NHSL1: variants seen among roughly 807,000 people sequenced by gnomAD.
NHSL1 encodes NHS-like protein 1.
A neutral mutation model predicts 95.0 loss-of-function variants in NHSL1; 48 were observed. The observed-to-expected ratio is 0.51, with a 90% CI of 0.40 to 0.64. NHSL1 has a LOEUF of 0.64. Ranked by LOEUF, NHSL1 falls within the 30% of genes least tolerant of loss-of-function variation. The probability of loss-of-function intolerance (pLI) is 0.00; values close to 1 mark genes in which losing one functional copy is unlikely to be tolerated. For synonymous variants in NHSL1, 783 were observed against 833.9 expected, an observed-to-expected ratio of 0.94 and a Z score of 1.05; for missense variants, 1,971 against 2,077.7, an observed-to-expected ratio of 0.95 and a Z score of 1.00.
intron 3 of NHSL1, among the ~76,000 whole-genome samples, chr6:138,456,649 G>A (rs6902919): frequency 0.31 from 46,617 of 151,970 alleles, 9,185 homozygotes; most frequent in African/African-American, 0.54. Context: ...TTCAGTGAAC[G>A]TATCATCAAA....
chr6:138,525,986 T>C (rs960253894), intron 1 of NHSL1, among the ~76,000 whole-genome samples: 11 of 150,336 alleles, frequency 7.3e-5, no homozygotes, highest in African/African-American at 2.5e-4. Context: ...TCAGCTACTC[T>C]GGAGGCAGAG....
At chr6:138,444,986 T>C (rs956255943) in intron 4 of NHSL1, among the ~76,000 whole-genome samples, 3 of 152,202 alleles carry the variant, frequency 2.0e-5, no homozygotes, top group Admixed American at 1.3e-4. Context: ...TCTTTCTTTA[T>C]TGTCATTCAC....
At chr6:138,671,785 G>C (rs919790974) in intron 1 of NHSL1, among the ~76,000 whole-genome samples, 1 of 152,198 alleles carries the variant, frequency 6.6e-6, no homozygotes, top group Non-Finnish European at 1.5e-5. Flanking sequence ...TTTATGTCAG[G>C]AGAGACAAAA....
rs1249218699 is a variant in NHSL1, at chr6:138,431,103, A to C, written c.3242T>G (p.Val1081Gly). The change falls in exon 6 of 8, where the codon GTG (valine) becomes GGG (glycine). Residue 1081 changes from valine (V) to glycine (G), a missense_variant. Physicochemically the swap from Val to Gly is moderately radical, Grantham distance 109. Transcript: ENST00000343505. This position sits in a 1 kb window ranked among gnomAD's most constrained non-coding sequence, Gnocchi z 4.0. ...CGCCTCAGCGCCTGAGTTCTTTCTC[A>C]CGGGCCTCAACTGCACCATCTGCAA... Reference protein sequence around the residue: ...EALQMVQLRPVRKNSGAEAAQ... With the variant: ...EALQMVQLRPGRKNSGAEAAQ... 6.4e-7 allele frequency: 1 copy of C among 1,551,776 alleles called. No homozygotes were observed. The highest frequency in any genetic ancestry group is 8.7e-7 in the Non-Finnish European group (1 of 1,147,024).
intron 1 of NHSL1, among the ~76,000 whole-genome samples, chr6:138,661,270 T>C (rs1402947566): frequency 6.6e-6 from 1 of 152,084 alleles, no homozygotes; most frequent in Non-Finnish European, 1.5e-5. Context: ...GACCAACATC[T>C]CCTATTTCTC....
chr6:138,465,054 CAAAAAA>C (rs35195031), intron 3 of NHSL1, among the ~76,000 whole-genome samples: 1 of 100,988 alleles, frequency 9.9e-6, no homozygotes, highest in African/African-American at 3.3e-5. Context: ...TGTATGCCTT[CAAAAAA>C]AAAAAAAAAA....
intron 2 of NHSL1, among the ~76,000 whole-genome samples, chr6:138,475,196 G>A (rs941837294): frequency 1.3e-4 from 20 of 150,668 alleles, no homozygotes; most frequent in Non-Finnish European, 2.2e-4. Flanking sequence ...CAGAGATAAT[G>A]TTATATAAAA....
intron 1 of NHSL1, among the ~76,000 whole-genome samples, chr6:138,611,439 G>A (rs890866268): frequency 6.6e-6 from 1 of 152,170 alleles, no homozygotes; most frequent in Non-Finnish European, 1.5e-5. Context: ...AGAAATGTAT[G>A]CAAAAGGTAA....
intron 3 of NHSL1, among the ~76,000 whole-genome samples, chr6:138,472,276 G>A (rs1022750758): frequency 9.3e-5 from 14 of 150,688 alleles, no homozygotes; most frequent in African/African-American, 3.4e-4. Context: ...TTTGCTTTTT[G>A]AGGCAGGGTC....
intron 1 of NHSL1, among the ~76,000 whole-genome samples, chr6:138,570,125 C>G (rs918466395): frequency 3.3e-5 from 5 of 152,220 alleles, no homozygotes; most frequent in Admixed American, 3.3e-4. Flanking sequence ...GTCTCTGTTC[C>G]TTTAATGCTA....
Position 138,643,229 on chromosome 6 carries a change from G to A in NHSL1, c.96+49247C>T, listed in dbSNP as rs965128388. Among the ~76,000 whole-genome samples the A allele has an allele frequency of 3.9e-5, 6 of 152,102 alleles. No individual in the cohort carries two copies. The South Asian group carries it at 1.0e-3, about 26-fold the overall frequency. On this transcript the variant is annotated intron_variant, in intron 1 of 3. Coordinates refer to the NHSL1 transcript ENST00000491526. ...TAGGTATCGTTAGTTCCTTTTCTAA[G>A]ACTTTATTTTTTTTAGAGCAGTTTT... is the stretch of plus-strand genomic sequence containing the variant.
chr6:138,606,529 G>C (rs1784435821), intron 1 of NHSL1, among the ~76,000 whole-genome samples: 1 of 151,926 alleles, frequency 6.6e-6, no homozygotes, highest in African/African-American at 2.4e-5. Context: ...CTACAACAAG[G>C]GCCCTTATCA....
rs1289639177 is a variant in NHSL1 at position 138,432,232 on chromosome 6, G to A, written c.2113C>T (p.Gln705Ter). 1 of 1,548,804 alleles carries A rather than the reference G, an allele frequency of 6.5e-7. No homozygotes were observed. The highest frequency in any genetic ancestry group is 8.7e-7 in the Non-Finnish European group (1 of 1,145,514). The change falls in exon 6 of 8, where the codon CAG becomes TAG. Residue 705 changes from glutamine to a stop codon, truncating the protein, a stop_gained. Transcript: ENST00000343505. LOFTEE classifies it high-confidence loss of function. The surrounding 1 kb of genome is among the most constrained non-coding windows in gnomAD (Gnocchi z 4.4). ...VLNESLIATL[Q>*]HSLQLSLPGK... ...GGGAGGCTCAGCTGCAGCGAGTGCT[G>A]GAGTGTGGCGATCAGGCTCTCGTTG...
chr6:138,673,010 CATAGATAGCTAG>C, intron 1 of NHSL1, among the ~76,000 whole-genome samples: 1 of 134,936 alleles, frequency 7.4e-6, no homozygotes, highest in South Asian at 2.7e-4. Context: ...AAGACTGTCT[CATAGATAGCTAG>C]ATAGATAGGT....
chr6:138,585,879 C>CAAAA (rs776882873), intron 1 of NHSL1, among the ~76,000 whole-genome samples: 1 of 112,930 alleles, frequency 8.9e-6, no homozygotes, highest in African/African-American at 3.2e-5. Context: ...CCAGTCTCTA[C>CAAAA]AAAAAAAAAA....
intron 1 of NHSL1, among the ~76,000 whole-genome samples, chr6:138,527,272 C>A (rs992063588): frequency 1.3e-4 from 20 of 149,100 alleles, no homozygotes; most frequent in South Asian, 6.4e-4. Flanking sequence ...AAAAAAAAAA[C>A]CACTATGAAA....
chr6:138,448,589 A>G (rs188496880), intron 3 of NHSL1, among the ~76,000 whole-genome samples: 16 of 152,174 alleles, frequency 1.1e-4, no homozygotes, highest in Non-Finnish European at 2.4e-4. Context: ...CTATATTTGA[A>G]CTTTCTGTAA....
intron 1 of NHSL1, among the ~76,000 whole-genome samples, chr6:138,583,508 C>G (rs554702503): frequency 1.3e-5 from 2 of 152,260 alleles, no homozygotes; most frequent in African/African-American, 4.8e-5. Context: ...ACACCCCACG[C>G]AGAGAGATGC....
At chr6:138,607,001 G>GC (rs994745519) in intron 1 of NHSL1, among the ~76,000 whole-genome samples, 4 of 152,074 alleles carry the variant, frequency 2.6e-5, no homozygotes, top group African/African-American at 7.2e-5. Flanking sequence ...TCCACGCCCG[G>GC]CCCCCATGCT....
Sources: gnomAD v4.1 joint callset for allele counts (sites outside exome capture counted in the v4.1 genomes callset) on GRCh38, gnomAD v4.1.1 for gene constraint, Gnocchi (gnomAD v3.1) non-coding constraint, MANE v1.5 for transcripts, NCBI Gene and HGNC (gene_info 2026-07-23, HGNC 2026-07-21) for gene names.